The following RNF6 variants were observed in gnomAD, a reference collection of about 807,000 sequenced individuals.
RNF6 encodes the protein E3 ubiquitin-protein ligase RNF6.
RNF6 carries 21 observed loss-of-function variants against 50.1 expected under a neutral mutation model. The ratio of observed to expected loss-of-function variants is 0.42; its 90% CI spans 0.30 to 0.60. The LOEUF is 0.60. Ranked by LOEUF, RNF6 falls within the 20% of genes least tolerant of loss-of-function variation. The pLI, the probability that RNF6 is intolerant of heterozygous loss-of-function variation, is 0.20. For missense variants in RNF6, 698 were observed against 838.2 expected (o/e 0.83, Z 2.07); for synonymous variants, 255 against 291.8 (o/e 0.87, Z 1.29).
chr13:26,215,179 A>G lies in RNF6; in HGVS notation c.703T>C (p.Leu235=), dbSNP rs1157143814. 6.2e-7 allele frequency: 1 copy of G among 1,613,966 alleles called. No homozygotes were observed. ...GCTGCTCCCCCAATTCCATTTCTTA[A>G]CCTTCCCAATGTTGAGAAAGATCCT... ...AEGSFSTLGR[L]RNGIGGAAGI... The change falls in exon 5 of 5, where the codon TTA becomes CTA. Residue 235 remains leucine (L), a synonymous_variant. Transcript: ENST00000381588.
intron 5 of RNF6, among the ~76,000 whole-genome samples, chr13:26,146,404 G>A (rs1045750247): frequency 6.6e-6 from 1 of 152,204 alleles, no homozygotes; most frequent in East Asian, 1.9e-4. Context: ...TATTCCCATT[G>A]CATTTAGGTT....
At chr13:26,175,351 G>A (rs1872905405) in intron 5 of RNF6, among the ~76,000 whole-genome samples, 3 of 152,184 alleles carry the variant, frequency 2.0e-5, no homozygotes, top group Non-Finnish European at 4.4e-5. Context: ...AAAGTGCTGG[G>A]ATTACAGGCG....
chr13:26,133,046 G>A (rs949637022), intron 5 of RNF6, among the ~76,000 whole-genome samples: 2 of 152,108 alleles, frequency 1.3e-5, no homozygotes, highest in Admixed American at 1.3e-4. Context: ...ATAAGATGAT[G>A]TCAGCTTTAC....
At chr13:26,199,448 A>G (rs1593182661) in intron 5 of RNF6, among the ~76,000 whole-genome samples, 1 of 152,330 alleles carries the variant, frequency 6.6e-6, no homozygotes, top group East Asian at 1.9e-4. Flanking sequence ...AACTGAAGAA[A>G]GTCTTTGTGA....
Position 26,214,581 on chromosome 13 carries a change from A to C in RNF6, c.1301T>G (p.Ile434Ser). 6.2e-7 allele frequency: 1 copy of C among 1,614,224 alleles called. No homozygotes were observed. The highest frequency in any genetic ancestry group is 2.2e-5 in the East Asian group (1 of 44,882). Reference sequence around the variant, plus strand: ...GCGAAAGCCCCCACTATTGCTTTCAATAGTGACTGTATTTTCTGCTAGCCC... The same window carrying C: ...GCGAAAGCCCCCACTATTGCTTTCACTAGTGACTGTATTTTCTGCTAGCCC... The part of the protein sequence containing the change: ...RVGLAENTVT[I>S]ESNSGGFRRT... Residue 434 changes from isoleucine to serine, a missense_variant, in exon 5 of 5, where the codon ATT becomes AGT. Ile to Ser is a moderately radical substitution (Grantham distance 142, BLOSUM62 -2). Transcript: ENST00000381588.
intron 5 of RNF6, among the ~76,000 whole-genome samples, chr13:26,174,916 C>T (rs576733092): frequency 2.0e-5 from 3 of 152,278 alleles, no homozygotes; most frequent in South Asian, 2.1e-4. Flanking sequence ...CCCACTCTAA[C>T]GGCCTCGGTT....
chr13:26,211,075 A>G (rs1212603374), downstream of RNF6, among the ~76,000 whole-genome samples: 2 of 152,242 alleles, frequency 1.3e-5, no homozygotes, highest in Non-Finnish European at 2.9e-5. Flanking sequence ...CACAAAGGGT[A>G]TAATCATTGC....
At chr13:26,134,822 C>T (rs986371923) in intron 5 of RNF6, among the ~76,000 whole-genome samples, 2 of 152,062 alleles carry the variant, frequency 1.3e-5, no homozygotes, top group African/African-American at 4.8e-5. Context: ...AAATAATTAC[C>T]ATTGGGAATA....
In RNF6 at chr13:26,219,575, A is replaced by G. The variant is rs1380582375; in HGVS notation, c.75T>C (p.Asn25=). The part of the protein sequence containing the change: ...TLPQDHNHHE[N]ERRWQQERLH... ...GACGCTCTTGCTGCCATCTTCTCTCATTTTCATGATGATTATGGTCTTGAG... is the reference window on the plus strand; with the variant it reads ...GACGCTCTTGCTGCCATCTTCTCTCGTTTTCATGATGATTATGGTCTTGAG... Residue 25 remains asparagine (N), a synonymous_variant, in exon 3 of 5, where the codon AAT becomes AAC. Coordinates refer to ENST00000381588, the MANE Select transcript of RNF6 (RefSeq NM_005977.4). 6.2e-7 allele frequency: 1 copy of G among 1,613,722 alleles called. No homozygotes were observed. Among genetic ancestry groups the G allele is most frequent in the Non-Finnish European group, 8.5e-7 (1 of 1,179,930 alleles).
chr13:26,215,467 G>A lies in RNF6; in HGVS notation c.415C>T (p.Arg139Ter). 6.2e-7 allele frequency: 1 copy of A among 1,614,114 alleles called. No homozygotes were observed. The highest frequency in any genetic ancestry group is 8.5e-7 in the Non-Finnish European group (1 of 1,180,024). Residue 139 changes from arginine to a stop codon, truncating the protein, a stop_gained, in exon 5 of 5, where the codon CGA (arginine) becomes TGA (stop). Coordinates refer to ENST00000381588, the MANE Select transcript of RNF6 (RefSeq NM_005977.4). LOFTEE classifies it high-confidence loss of function. ...AACTCTCCATTGTTCGGGTTTGTTC[G>A]ACTCACAGCTCTCCAAGTTTGGTTC... is the stretch of plus-strand genomic sequence containing the variant. The part of the protein sequence containing the change: ...NGNQTWRAVS[R>*]TNPNNGEFRF...
At chr13:26,177,711 T>C (rs549960303) in intron 5 of RNF6, among the ~76,000 whole-genome samples, 11 of 152,306 alleles carry the variant, frequency 7.2e-5, no homozygotes, top group East Asian at 1.9e-4. Context: ...CCACATCCAA[T>C]TGATAAACGA....
In RNF6 at chr13:26,215,569, A is replaced by C; in HGVS notation, c.313T>G (p.Ser105Ala). 1 of 1,606,000 alleles carries C rather than the reference A, an allele frequency of 6.2e-7. No individual in the cohort carries two copies. Among genetic ancestry groups the C allele is most frequent in the Non-Finnish European group, 8.5e-7 (1 of 1,179,406 alleles). ...YRDSEVPRES[S>A]HEDSLLEWLN... ...CATTCTAGAAGAGAATCTTCATGTGAACTTTCTCTAGGGACTTCTGAGTCT... is the reference window on the plus strand; with the variant it reads ...CATTCTAGAAGAGAATCTTCATGTGCACTTTCTCTAGGGACTTCTGAGTCT... Residue 105 changes from serine to alanine, a missense_variant, in exon 5 of 5, where the codon TCA (serine) becomes GCA (alanine). Ser to Ala is a moderately conservative substitution (Grantham distance 99). Transcript: ENST00000381588.
At chr13:26,187,470 T>A (rs1873610553) in intron 5 of RNF6, among the ~76,000 whole-genome samples, 1 of 152,182 alleles carries the variant, frequency 6.6e-6, no homozygotes. Flanking sequence ...TCCTCTGGGC[T>A]ACATACGACC....
chr13:26,155,940 T>G (rs17083332), intron 5 of RNF6, among the ~76,000 whole-genome samples: 6,829 of 152,276 alleles, frequency 0.045, 236 homozygotes, highest in African/African-American at 0.092. Flanking sequence ...TGGGTCACTC[T>G]TAGATAATTC....
At position 26,219,645 on chromosome 13, in the gene RNF6, T is replaced by A. The variant is rs751268604; in HGVS notation, c.5A>T (p.Asn2Ile). 2 of 1,612,804 alleles carry A rather than the reference T, an allele frequency of 1.2e-6. No individual in the cohort carries two copies. The highest frequency in any genetic ancestry group is 2.2e-5 in the South Asian group (2 of 90,988). Residue 2 changes from asparagine to isoleucine, a missense_variant, in exon 3 of 5, where the codon AAT (asparagine) becomes ATT (isoleucine). Coordinates refer to ENST00000381588, the MANE Select transcript of RNF6 (RefSeq NM_005977.4). ...ACCATCTGATCTCGATCTAGACTGA[T>A]TCATCCTGAGATTCCTGGCTTTCTG... M[N>I]QSRSRSDGGS...
chr13:26,217,893 C>A (rs1055677999), intron 4 of RNF6, among the ~76,000 whole-genome samples: 1 of 152,134 alleles, frequency 6.6e-6, no homozygotes, highest in African/African-American at 2.4e-5. Context: ...AAACTTCTAG[C>A]TTATTGAGCC....
chr13:26,219,616 T>G lies in RNF6; in HGVS notation c.34A>C (p.Ser12Arg). 6.2e-7 allele frequency: 1 copy of G among 1,613,810 alleles called. No homozygotes were observed. Among genetic ancestry groups the G allele is most frequent in the Non-Finnish European group, 8.5e-7 (1 of 1,179,922 alleles). ...TGGTCTTGAGGTAAGGTTTCTTCAC[T>G]GCCACCATCTGATCTCGATCTAGAC... ...NQSRSRSDGG[S>R]EETLPQDHNH... is the part of the protein sequence containing the mutation. Residue 12 changes from serine (S) to arginine (R), a missense_variant, in exon 3 of 5, where the codon AGT becomes CGT. Transcript: ENST00000381588.
intron 5 of RNF6, among the ~76,000 whole-genome samples, chr13:26,148,670 A>ATATT (rs1871392637): frequency 8.0e-6 from 1 of 125,212 alleles, no homozygotes; most frequent in African/African-American, 2.9e-5. Flanking sequence ...ATATATATAT[A>ATATT]TGAGGGAGAT....
intron 5 of RNF6, among the ~76,000 whole-genome samples, chr13:26,178,919 T>C (rs77756616): frequency 0.089 from 13,598 of 152,198 alleles, 645 homozygotes; most frequent in Middle Eastern, 0.16. Context: ...TTTCACTTAG[T>C]ATAATGTCCT....
Sources: gnomAD v4.1 joint callset for allele counts (sites outside exome capture counted in the v4.1 genomes callset) on GRCh38, gnomAD v4.1.1 for gene constraint, MANE v1.5 for transcripts, NCBI Gene and HGNC (gene_info 2026-07-23, HGNC 2026-07-21) for gene names.